The following SEMA3D variants were observed in gnomAD, a reference collection of about 807,000 sequenced individuals.
The protein encoded by SEMA3D is semaphorin-3D.
In SEMA3D, 84 loss-of-function variants were observed where a neutral mutation model predicts 100.1. That is an observed-to-expected ratio of 0.84 (90% CI 0.70 to 1.01). SEMA3D has a LOEUF of 1.01. SEMA3D is among the 50% of genes least tolerant of loss of function. The pLI is 0.00. For synonymous variants in SEMA3D, 312 were observed against 320.7 expected (o/e 0.97, Z 0.29); for missense variants, 875 against 934.1 (o/e 0.94, Z 0.82).
chr7:85,046,780 G>T (rs940393505), intron 9 of SEMA3D, among the ~76,000 whole-genome samples: 2 of 151,914 alleles, frequency 1.3e-5, no homozygotes, highest in Non-Finnish European at 2.9e-5. Flanking sequence ...AGAACTTTAA[G>T]CCCAGAAGAG....
chr7:85,011,010 C>T (rs1314690125), intron 17 of SEMA3D, among the ~76,000 whole-genome samples: 3 of 151,668 alleles, frequency 2.0e-5, no homozygotes, highest in African/African-American at 7.3e-5. Flanking sequence ...GGTACAAGGG[C>T]ACATAGGTAT....
chr7:85,185,826 C>A (rs778880418), intron 1 of SEMA3D, among the ~76,000 whole-genome samples: 1 of 152,196 alleles, frequency 6.6e-6, no homozygotes, highest in South Asian at 2.1e-4. Context: ...ACTCCAGGCT[C>A]GTTGGGCAGA....
At chr7:85,071,624 G>T (rs1446597668) in intron 6 of SEMA3D, among the ~76,000 whole-genome samples, 1 of 152,098 alleles carries the variant, frequency 6.6e-6, no homozygotes, top group African/African-American at 2.4e-5. Flanking sequence ...AAACCTAGAT[G>T]GTATAACCTA....
intron 1 of SEMA3D, among the ~76,000 whole-genome samples, chr7:85,185,723 C>T (rs909433881): frequency 1.2e-4 from 18 of 152,188 alleles, no homozygotes; most frequent in Admixed American, 4.6e-4. Context: ...GGCAAAGCAA[C>T]TCAGCCCAGG....
rs776287938 is a variant in SEMA3D at position 85,006,946 on chromosome 7, A to C, written c.1769-5T>G. 2 of 1,608,248 alleles carry C rather than the reference A, an allele frequency of 1.2e-6. No individual in the cohort carries two copies. The highest frequency in any genetic ancestry group is 1.1e-5 in the South Asian group (1 of 90,572). ...CAGCAGTTTCATGACTAATGCCTGG[A>C]AAGCAAACATGGAATAAGAGATTAA... On this transcript the variant is annotated splice_polypyrimidine_tract_variant and splice_region_variant and intron_variant, in intron 17 of 18. Coordinates refer to ENST00000284136, the MANE Select transcript of SEMA3D (RefSeq NM_001384900.1).
chr7:85,149,240 T>C (rs930382849), intron 2 of SEMA3D, among the ~76,000 whole-genome samples: 3 of 149,800 alleles, frequency 2.0e-5, no homozygotes, highest in African/African-American at 7.4e-5. Flanking sequence ...ATGTCAGGAG[T>C]TCAAGACCAG....
In SEMA3D at chr7:85,097,798, T is replaced by C. The variant is rs1276801033; in HGVS notation, c.312+7A>G. 3 of 1,545,626 alleles carry C rather than the reference T, an allele frequency of 1.9e-6. No homozygotes were observed. Among genetic ancestry groups the C allele is most frequent in the Non-Finnish European group, 2.7e-6 (3 of 1,125,064 alleles). ...ATTTAACCAAATGTATATATAAATA[T>C]ACTGACCTTCTTAAAATTTTTGTTT... On this transcript the variant is annotated splice_region_variant and intron_variant, in intron 4 of 18. Coordinates refer to ENST00000284136, the MANE Select transcript of SEMA3D (RefSeq NM_001384900.1).
At chr7:85,118,597 A>G (rs1206642088) in intron 3 of SEMA3D, among the ~76,000 whole-genome samples, 1 of 152,142 alleles carries the variant, frequency 6.6e-6, no homozygotes, top group Non-Finnish European at 1.5e-5. Flanking sequence ...TACAGTAGGA[A>G]TAGAACAGCT....
At chr7:85,250,157 G>A in the SEMA3D span, among the ~76,000 whole-genome samples, 7 of 151,968 alleles carry the variant, frequency 4.6e-5, no homozygotes, top group East Asian at 1.9e-4. Flanking sequence ...GCGCTTTTCC[G>A]ACAGGCTTAA....
chr7:85,051,824 C>T (rs1791174089), intron 9 of SEMA3D, among the ~76,000 whole-genome samples: 1 of 151,772 alleles, frequency 6.6e-6, no homozygotes, highest in Admixed American at 6.6e-5. Context: ...TTGTATCTTC[C>T]AGGAATCACA....
At chr7:85,029,677 C>A (rs114040862) in intron 12 of SEMA3D, 151 of 379,818 alleles carry the variant, frequency 4.0e-4, no homozygotes, top group African/African-American at 2.8e-3. Context: ...CAGGGCCCAC[C>A]ACTGAAGAGG....
chr7:85,135,757 T>G (rs1388309096), intron 2 of SEMA3D, among the ~76,000 whole-genome samples: 2 of 147,652 alleles, frequency 1.4e-5, no homozygotes, highest in African/African-American at 5.0e-5. Flanking sequence ...AGTTTCTCCC[T>G]CTTCCTATCC....
chr7:85,219,894 T>C, the SEMA3D span, among the ~76,000 whole-genome samples: 1 of 152,074 alleles, frequency 6.6e-6, no homozygotes, highest in Non-Finnish European at 1.5e-5. Flanking sequence ...CACGGAAATA[T>C]AGAACCTATT....
intron 9 of SEMA3D, among the ~76,000 whole-genome samples, chr7:85,042,500 G>C (rs1024151082): frequency 2.6e-5 from 4 of 152,078 alleles, no homozygotes; most frequent in African/African-American, 9.7e-5. Flanking sequence ...TTAAATACAA[G>C]CAGTTCAGCT....
At chr7:85,024,402 G>A (rs889702849) in intron 12 of SEMA3D, among the ~76,000 whole-genome samples, 54 of 151,816 alleles carry the variant, frequency 3.6e-4, no homozygotes, top group African/African-American at 1.3e-3. Flanking sequence ...AGTTTTCAAA[G>A]AAATAATATC....
chr7:85,207,396 C>G, the SEMA3D span, among the ~76,000 whole-genome samples: 2,211 of 152,074 alleles, frequency 0.015, 60 homozygotes, highest in African/African-American at 0.049. Context: ...ATAATAAATA[C>G]TTAATAACAT....
chr7:85,110,830 T>G (rs1789072902), intron 3 of SEMA3D, among the ~76,000 whole-genome samples: 1 of 152,010 alleles, frequency 6.6e-6, no homozygotes, highest in South Asian at 2.1e-4. Flanking sequence ...TTGTCAAAAA[T>G]TTCCTTAAGA....
At chr7:85,142,632 G>A (rs1351758127) in intron 2 of SEMA3D, 1 of 981,232 alleles carries the variant, frequency 1.0e-6, no homozygotes, top group Non-Finnish European at 1.2e-6. Context: ...ATTTCAGAGA[G>A]TCCAGAAAGA....
chr7:85,066,913 C>CACACACACACACACAGAGAGAGAGAG, intron 7 of SEMA3D, among the ~76,000 whole-genome samples: 1 of 127,754 alleles, frequency 7.8e-6, no homozygotes, highest in African/African-American at 3.2e-5. Flanking sequence ...CACACACACA[C>CACACACACACACACAGAGAGAGAGAG]AGAGAGAGAG....
Sources: allele counts gnomAD v4.1 joint callset (sites outside exome capture counted in the v4.1 genomes callset), GRCh38; gene constraint gnomAD v4.1.1; transcripts MANE v1.5; gene names NCBI Gene and HGNC (gene_info 2026-07-23, HGNC 2026-07-21).